Variants in MTMR7 observed in about 807,000 individuals in gnomAD.
MTMR7 encodes phosphatidylinositol-3-phosphate phosphatase MTMR7.
Under a neutral mutation model 81.2 loss-of-function variants are expected in MTMR7, and 76 were observed. The observed-to-expected ratio is 0.94, with a 90% CI of 0.78 to 1.13. MTMR7 has a LOEUF of 1.13. Ranked by LOEUF, MTMR7 falls within the 50% of genes most tolerant of loss-of-function variation. MTMR7 has a pLI of 0.00. For missense variants in MTMR7, 1,044 were observed against 820.0 expected, an observed-to-expected ratio of 1.27 and a Z score of -3.34; for synonymous variants, 372 against 289.8, an observed-to-expected ratio of 1.28 and a Z score of -2.88.
chr8:17,335,634 T>C (rs1409721181), intron 6 of MTMR7, among the ~76,000 whole-genome samples: 2 of 152,180 alleles, frequency 1.3e-5, no homozygotes, highest in African/African-American at 2.4e-5. Flanking sequence ...AATGACGGTC[T>C]TTCTCTCTCC....
chr8:17,410,396 G>A (rs1472067455), intron 1 of MTMR7, among the ~76,000 whole-genome samples: 1 of 150,918 alleles, frequency 6.6e-6, no homozygotes, highest in African/African-American at 2.4e-5. Context: ...CTACTTCCAG[G>A]AGCCCTGAAG....
At chr8:17,330,680 A>T (rs1818955367) in intron 7 of MTMR7, among the ~76,000 whole-genome samples, 1 of 152,168 alleles carries the variant, frequency 6.6e-6, no homozygotes, top group Admixed American at 6.5e-5. Context: ...GCGGGAGGTT[A>T]CATGCATGTG....
At chr8:17,358,466 A>G (rs982124543) in intron 4 of MTMR7, among the ~76,000 whole-genome samples, 2 of 152,218 alleles carry the variant, frequency 1.3e-5, no homozygotes, top group Admixed American at 6.5e-5. Context: ...ATATTTTCAC[A>G]TACCTCTGTC....
chr8:17,409,447 G>A (rs972816843), intron 1 of MTMR7, among the ~76,000 whole-genome samples: 1 of 152,144 alleles, frequency 6.6e-6, no homozygotes, highest in Admixed American at 6.5e-5. Context: ...CTGGGCCACA[G>A]AGCAAGACTC....
At chr8:17,387,701 C>A (rs1421794365) in intron 1 of MTMR7, among the ~76,000 whole-genome samples, 1 of 152,058 alleles carries the variant, frequency 6.6e-6, no homozygotes, top group Non-Finnish European at 1.5e-5. Context: ...TTTGGAGCCA[C>A]CTAAAATCTC....
chr8:17,379,678 C>T (rs1820700676), intron 1 of MTMR7, among the ~76,000 whole-genome samples: 1 of 152,034 alleles, frequency 6.6e-6, no homozygotes, highest in African/African-American at 2.4e-5. Context: ...GGAAATATAA[C>T]AGGAAGAGAA....
At chr8:17,342,917 G>A (rs1819445420) in intron 5 of MTMR7, among the ~76,000 whole-genome samples, 1 of 152,020 alleles carries the variant, frequency 6.6e-6, no homozygotes, top group South Asian at 2.1e-4. Flanking sequence ...AAGGCCAGGA[G>A]CAAGGGGAAG....
At chr8:17,332,465 G>A (rs150039190) in intron 6 of MTMR7, among the ~76,000 whole-genome samples, 6 of 152,288 alleles carry the variant, frequency 3.9e-5, no homozygotes, top group African/African-American at 1.4e-4. Flanking sequence ...GCCCTGACCT[G>A]CGAGCAGTGA....
chr8:17,392,835 T>C (rs1821146722), intron 1 of MTMR7, among the ~76,000 whole-genome samples: 1 of 152,234 alleles, frequency 6.6e-6, no homozygotes, highest in African/African-American at 2.4e-5. Context: ...AGAAAATTCT[T>C]TTTATTCTCA....
chr8:17,324,606 ACTTGATCCATTTC>A (rs569921507), intron 7 of MTMR7, among the ~76,000 whole-genome samples: 50 of 152,336 alleles, frequency 3.3e-4, no homozygotes, highest in Non-Finnish European at 6.8e-4. Context: ...AAGCACACAT[ACTTGATCCATTTC>A]CTTCTTCTAA....
chr8:17,375,598 C>G (rs1820561856), intron 1 of MTMR7, among the ~76,000 whole-genome samples: 1 of 151,364 alleles, frequency 6.6e-6, no homozygotes, highest in South Asian at 2.1e-4. Context: ...GTTTACTTTG[C>G]TACTGGGTGA....
chr8:17,410,701 C>A (rs1472763134), intron 1 of MTMR7, among the ~76,000 whole-genome samples: 2 of 152,204 alleles, frequency 1.3e-5, no homozygotes, highest in African/African-American at 4.8e-5. Flanking sequence ...ATGTGCAAAG[C>A]ATTCCAGATT....
intron 7 of MTMR7, among the ~76,000 whole-genome samples, chr8:17,320,719 C>T (rs1818340598): frequency 6.6e-6 from 1 of 152,198 alleles, no homozygotes; most frequent in Non-Finnish European, 1.5e-5. Context: ...TGCCTTGTGA[C>T]AGTGCCCAGC....
intron 6 of MTMR7, among the ~76,000 whole-genome samples, chr8:17,336,893 C>T (rs1189304122): frequency 6.6e-6 from 1 of 152,176 alleles, no homozygotes; most frequent in Non-Finnish European, 1.5e-5. Context: ...AGAAAAAACA[C>T]CATGGTCAAA....
At position 17,408,314 on chromosome 8, in the gene MTMR7, G is replaced by C. The variant is rs902871786; in HGVS notation, c.24+4955C>G. Among the ~76,000 whole-genome samples, 4 of 67,774 alleles carry C rather than the reference G, an allele frequency of 5.9e-5. 1 individual carries two copies. Among genetic ancestry groups the C allele is most frequent in the African/African-American group, 1.3e-4 (4 of 31,504 alleles). The allele number at this position is 67,774 out of a possible 152,430, so 44.5% of individuals were successfully genotyped here. On this transcript the variant is annotated intron_variant, in intron 1 of 13. Coordinates refer to ENST00000180173, the MANE Select transcript of MTMR7 (RefSeq NM_004686.5). ...TGAGGCAGGAGAATGGCGTGAACCCGGGAGGCGGAGCTTGCAGTGAGCCGA... is the reference window on the plus strand; with the variant it reads ...TGAGGCAGGAGAATGGCGTGAACCCCGGAGGCGGAGCTTGCAGTGAGCCGA...
At chr8:17,406,139 G>C (rs1821576140) in intron 1 of MTMR7, among the ~76,000 whole-genome samples, 1 of 151,928 alleles carries the variant, frequency 6.6e-6, no homozygotes, top group Non-Finnish European at 1.5e-5. Flanking sequence ...AGTGACAAAA[G>C]AAAAAATAAG....
intron 3 of MTMR7, among the ~76,000 whole-genome samples, chr8:17,367,297 A>G (rs1215402477): frequency 6.6e-6 from 1 of 152,194 alleles, no homozygotes; most frequent in Admixed American, 6.5e-5. Context: ...GTGTTGAAGT[A>G]CCCACAAACA....
chr8:17,385,657 A>G (rs9325810), intron 1 of MTMR7, among the ~76,000 whole-genome samples: 64,949 of 152,044 alleles, frequency 0.43, 14,418 homozygotes, highest in Admixed American at 0.57. Flanking sequence ...CTAATATAGT[A>G]CTGTCCTCAC....
Position 17,369,117 on chromosome 8 carries a change from G to A in MTMR7, c.310+1920C>T, listed in dbSNP as rs562248954. On this transcript the variant is annotated intron_variant, in intron 3 of 13. Coordinates refer to ENST00000180173, the MANE Select transcript of MTMR7 (RefSeq NM_004686.5). The stretch of plus-strand genomic sequence containing the variant: ...TTAATCCGCTCAGAGCACATTTATC[G>A]CCTAGTACTTCCATTAATCAGTGAC... Among the ~76,000 whole-genome samples the A allele has an allele frequency of 2.6e-5, 4 of 152,222 alleles. No homozygotes were observed. The East Asian group carries it at 5.8e-4, about 22-fold the overall frequency.
Sources: allele counts gnomAD v4.1 joint callset (sites outside exome capture counted in the v4.1 genomes callset), GRCh38; gene constraint gnomAD v4.1.1; transcripts MANE v1.5; gene names NCBI Gene and HGNC (gene_info 2026-07-23, HGNC 2026-07-21).